The following PSMB9 variants were observed in gnomAD, a reference collection of about 807,000 sequenced individuals.
PSMB9 encodes the protein proteasome 20S subunit beta 9.
PSMB9 carries 16 observed loss-of-function variants against 26.9 expected under a neutral mutation model. The observed-to-expected ratio is 0.59, with a 90% confidence interval of 0.40 to 0.90. The LOEUF (loss-of-function observed/expected upper bound fraction) is 0.90. Among genes scored for constraint, PSMB9 ranks in the 40% least tolerant of loss-of-function variants. The pLI is 0.00. For synonymous variants in PSMB9, 91 were observed against 112.0 expected (o/e 0.81, Z 1.18); for missense variants, 253 against 292.2 (o/e 0.87, Z 0.98).
intron 5 of PSMB9, chr6:32,859,001 G>A: frequency 4.6e-6 from 1 of 219,732 alleles, no homozygotes; most frequent in Non-Finnish European, 9.1e-6. Context: ...GTAGTGAGCG[G>A]TGATTGCACC....
chr6:32,856,432 A>T, intron 2 of PSMB9: 1 of 512,648 alleles, frequency 2.0e-6, no homozygotes, highest in Non-Finnish European at 3.5e-6. Context: ...AGTAGTGTAC[A>T]GGGATGAGTA....
At position 32,858,598 on chromosome 6, in the gene PSMB9, C is replaced by T. The variant is rs1375255808; in HGVS notation, c.532+93C>T. On this transcript the variant is annotated intron_variant, in intron 5 of 5. Transcript: ENST00000374859. The surrounding 1 kb of genome is among the most constrained non-coding windows in gnomAD (Gnocchi z 5.2). ...AACAGGAAGAGAAATACAGGGGTGG[C>T]CATTTAAGTTAATGCCGGGCCTGGT... is the stretch of plus-strand genomic sequence containing the variant. The T allele has an allele frequency of 1.9e-6, 3 of 1,551,506 alleles. No homozygotes were observed. The African/African-American group carries it at 4.1e-5, about 21-fold the overall frequency.
chr6:32,859,425 C>T lies in PSMB9; in HGVS notation c.553C>T (p.Arg185Trp), dbSNP rs1047210770. 5.0e-6 allele frequency: 8 copies of T among 1,612,214 alleles called. No homozygotes were observed. The highest frequency in any genetic ancestry group is 2.2e-5 in the East Asian group (1 of 44,810). The change falls in exon 6 of 6, where the codon CGG becomes TGG. Residue 185 changes from arginine to tryptophan, a missense_variant. Physicochemically the swap from Arg to Trp is moderately radical, Grantham distance 101. Coordinates refer to ENST00000374859, the MANE Select transcript of PSMB9 (RefSeq NM_002800.5). ...TGCAGCTATTGCTCTGGCCATGAGC[C>T]GGGATGGCTCAAGCGGGGGTGTCAT... ...TTDAIALAMS[R>W]DGSSGGVIYL...
Position 32,859,699 on chromosome 6 carries a change from C to T in PSMB9, c.*167C>T, listed in dbSNP as rs1327213972. The T allele has an allele frequency of 8.8e-6, 7 of 798,214 alleles. No homozygotes were observed. The highest frequency in any genetic ancestry group is 1.3e-5 in the Non-Finnish European group (7 of 521,752). 49.4% of individuals were successfully genotyped at this position (798,214 alleles called of 1,614,324 possible). A position where few individuals can be genotyped will look rare whatever the true frequency, so the allele number is the denominator to read the frequency against. Reference sequence around the variant, plus strand: ...TTCTTCTTTTGTCCCAGGTCTAAAACATCTTTCCTAGAGAAAACAAAAGGG... The same window carrying T: ...TTCTTCTTTTGTCCCAGGTCTAAAATATCTTTCCTAGAGAAAACAAAAGGG... On this transcript the variant is annotated 3_prime_UTR_variant, in exon 6 of 6. Transcript: ENST00000374859.
Position 32,858,399 on chromosome 6 carries a change from G to C in PSMB9, c.426G>C (p.Gln142His), listed in dbSNP as rs771788650. The change falls in exon 5 of 6, where the codon CAG becomes CAC. Residue 142 changes from glutamine (Q) to histidine (H), a missense_variant. By Grantham distance (24) the Gln-to-His change is conservative (BLOSUM62 0). Transcript: ENST00000374859. The surrounding 1 kb of genome is among the most constrained non-coding windows in gnomAD (Gnocchi z 5.2). ...YGTLGGMLTR[Q>H]PFAIGGSGST... ...CCCTGGGAGGAATGCTGACTCGACAGCCTTTTGCCATTGGTGGCTCCGGCA... is the reference window on the plus strand; with the variant it reads ...CCCTGGGAGGAATGCTGACTCGACACCCTTTTGCCATTGGTGGCTCCGGCA... The C allele has an allele frequency of 6.2e-7, 1 of 1,612,994 alleles. No homozygotes were observed. Among genetic ancestry groups the C allele is most frequent in the South Asian group, 1.1e-5 (1 of 91,078 alleles).
At chr6:32,857,633 A>G (rs151239869) in intron 3 of PSMB9, 192 of 529,272 alleles carry the variant, frequency 3.6e-4, no homozygotes, top group African/African-American at 3.3e-3. Flanking sequence ...TAAAAGCTGT[A>G]AATCACTATC....
Position 32,858,047 on chromosome 6 carries a change from T to C in PSMB9, c.303T>C (p.Asn101=). 1 of 1,613,116 alleles carries C rather than the reference T, an allele frequency of 6.2e-7. No individual in the cohort carries two copies. Among genetic ancestry groups the C allele is most frequent in the Admixed American group, 1.7e-5 (1 of 60,028 alleles). The change falls in exon 4 of 6, where the codon AAT becomes AAC. Residue 101 remains asparagine (N), a synonymous_variant. Coordinates refer to ENST00000374859, the MANE Select transcript of PSMB9 (RefSeq NM_002800.5). The surrounding 1 kb of genome is among the most constrained non-coding windows in gnomAD (Gnocchi z 5.2). ...EEPPLVLAAA[N]VVRNISYKYR... ...CTCCACTTGTTTTGGCTGCTGCAAA[T>C]GTGGTGAGAAATATCAGCTATAAAT...
Position 32,858,512 on chromosome 6 carries a change from A to C in PSMB9, c.532+7A>C. On this transcript the variant is annotated splice_region_variant and intron_variant, in intron 5 of 5. Transcript: ENST00000374859. This position sits in a 1 kb window ranked among gnomAD's most constrained non-coding sequence, Gnocchi z 5.2. ...AGGCGCTTCACCACAGACGGTAACC[A>C]GCCAAGTGGAAGGGTACCTGGGGAG... 6.2e-7 allele frequency: 1 copy of C among 1,613,004 alleles called. No individual in the cohort carries two copies. The highest frequency in any genetic ancestry group is 8.5e-7 in the Non-Finnish European group (1 of 1,180,024).
rs762179439 is a variant in PSMB9, at chr6:32,856,180, G to C, written c.103G>C (p.Gly35Arg). Residue 35 changes from glycine to arginine, a missense_variant, in exon 2 of 6, where the codon GGT becomes CGT. By Grantham distance (125) the Gly-to-Arg change is moderately radical. Transcript: ENST00000374859. Reference sequence around the variant, plus strand: ...GGAGTTTGACGGGGGCGTTGTGATGGGTTCTGATTCCCGAGTGTCTGCAGG... The same window carrying C: ...GGAGTTTGACGGGGGCGTTGTGATGCGTTCTGATTCCCGAGTGTCTGCAGG... Reference protein sequence around the residue: ...AVEFDGGVVMGSDSRVSAGEA... With the variant: ...AVEFDGGVVMRSDSRVSAGEA... 6.2e-7 allele frequency: 1 copy of C among 1,612,984 alleles called. No homozygotes were observed. Among genetic ancestry groups the C allele is most frequent in the East Asian group, 2.2e-5 (1 of 44,882 alleles).
chr6:32,859,346 A>G (rs1488030296), intron 5 of PSMB9, 59 bp from the exon 6 acceptor site: 3 of 1,531,888 alleles, frequency 2.0e-6, no homozygotes, highest in African/African-American at 2.8e-5. Context: ...GGGAGTAAAA[A>G]GATTTTTGAA....
rs1562384758 is a variant in PSMB9, at chr6:32,858,345, C to G, written c.391-19C>G. On this transcript the variant is annotated intron_variant, in intron 4 of 5. Coordinates refer to ENST00000374859, the MANE Select transcript of PSMB9 (RefSeq NM_002800.5). The surrounding 1 kb of genome is among the most constrained non-coding windows in gnomAD (Gnocchi z 5.2). ...AGGAAGGGCTTGATGATTCTTTAAC[C>G]TGAGGATCCCTTTCCCAGGTATATG... 6.2e-7 allele frequency: 1 copy of G among 1,612,776 alleles called. No individual in the cohort carries two copies. Among genetic ancestry groups the G allele is most frequent in the Admixed American group, 1.7e-5 (1 of 60,014 alleles).
rs1420495633 is a variant in PSMB9 at position 32,854,367 on chromosome 6, A to C, written c.60+78A>C. 4 of 1,364,788 alleles carry C rather than the reference A, an allele frequency of 2.9e-6. No homozygotes were observed. In the African/African-American group the frequency reaches 6.1e-5, roughly 21 times the overall value. The allele number at this position is 1,364,788 out of a possible 1,614,324, so 84.5% of individuals were successfully genotyped here. A position where few individuals can be genotyped will look rare whatever the true frequency, so the allele number is the denominator to read the frequency against. ...CAGGGGACCCTGGAAGCGCGCGCGG[A>C]GAAGTGAATGCAGAGACCAACGGGA... On this transcript the variant is annotated intron_variant, in intron 1 of 5. Transcript: ENST00000374859. The surrounding 1 kb of genome is among the most constrained non-coding windows in gnomAD (Gnocchi z 4.6).
Position 32,858,798 on chromosome 6 carries a change from G to T in PSMB9, c.532+293G>T. The stretch of plus-strand genomic sequence containing the variant: ...ACCTGTAATGCCAACAATTTGGGAG[G>T]CTGAGGCAGGAGGATTACTTGAGCC... On this transcript the variant is annotated intron_variant, in intron 5 of 5. Transcript: ENST00000374859. The surrounding 1 kb of genome is among the most constrained non-coding windows in gnomAD (Gnocchi z 5.2). 2.0e-6 allele frequency: 1 copy of T among 488,212 alleles called. No homozygotes were observed. Among genetic ancestry groups the T allele is most frequent in the South Asian group, 2.3e-5 (1 of 44,128 alleles). 30.2% of individuals were successfully genotyped at this position (488,212 alleles called of 1,614,324 possible). A position where few individuals can be genotyped will look rare whatever the true frequency, so the allele number is the denominator to read the frequency against.
chr6:32,856,212 A>C lies in PSMB9; in HGVS notation c.128+7A>C. On this transcript the variant is annotated splice_region_variant and intron_variant, in intron 2 of 5. Coordinates refer to ENST00000374859, the MANE Select transcript of PSMB9 (RefSeq NM_002800.5). ...ATTCCCGAGTGTCTGCAGGGTGAGTAAAAGTGAAGATGTATGCATTTGGAA... is the reference window on the plus strand; with the variant it reads ...ATTCCCGAGTGTCTGCAGGGTGAGTCAAAGTGAAGATGTATGCATTTGGAA... 2 of 1,610,708 alleles carry C rather than the reference A, an allele frequency of 1.2e-6. No homozygotes were observed. The highest frequency in any genetic ancestry group is 1.7e-6 in the Non-Finnish European group (2 of 1,177,926).
Position 32,856,130 on chromosome 6 carries a change from C to T in PSMB9, c.61-8C>T. ...TGCCCTGACATTCCATATTCTGTGT[C>T]TCTGCAGACCACCATCATGGCAGTG... On this transcript the variant is annotated splice_polypyrimidine_tract_variant and splice_region_variant and intron_variant, in intron 1 of 5. Coordinates refer to ENST00000374859, the MANE Select transcript of PSMB9 (RefSeq NM_002800.5). 3 of 1,612,132 alleles carry T rather than the reference C, an allele frequency of 1.9e-6. No individual in the cohort carries two copies. The highest frequency in any genetic ancestry group is 2.5e-6 in the Non-Finnish European group (3 of 1,179,200).
In PSMB9 at chr6:32,858,412, G is replaced by A. The variant is rs773006164; in HGVS notation, c.439G>A (p.Gly147Ser). 6.2e-7 allele frequency: 1 copy of A among 1,612,992 alleles called. No homozygotes were observed. Among genetic ancestry groups the A allele is most frequent in the East Asian group, 2.2e-5 (1 of 44,888 alleles). The change falls in exon 5 of 6, where the codon GGT becomes AGT. Residue 147 changes from glycine to serine, a missense_variant. By Grantham distance (56) the Gly-to-Ser change is moderately conservative (BLOSUM62 0). Coordinates refer to ENST00000374859, the MANE Select transcript of PSMB9 (RefSeq NM_002800.5). The surrounding 1 kb of genome is among the most constrained non-coding windows in gnomAD (Gnocchi z 5.2). ...GCTGACTCGACAGCCTTTTGCCATT[G>A]GTGGCTCCGGCAGCACCTTTATCTA... is the stretch of plus-strand genomic sequence containing the variant. ...GMLTRQPFAI[G>S]GSGSTFIYGY...
chr6:32,857,911 A>C (rs1771241429), intron 3 of PSMB9, 94 bp from the exon 4 acceptor site: 2 of 1,475,266 alleles, frequency 1.4e-6, no homozygotes, highest in Non-Finnish European at 1.9e-6. Flanking sequence ...TTGCAGTTAC[A>C]GTTTTCAGGG....
intron 2 of PSMB9, 53 bp from the exon 3 acceptor site, chr6:32,857,210 A>AG: frequency 1.3e-6 from 2 of 1,512,718 alleles, no homozygotes; most frequent in Non-Finnish European, 1.8e-6. Context: ...AAAAAAAAAA[A>AG]AAAAAAAAAA....
intron 1 of PSMB9, among the ~76,000 whole-genome samples, chr6:32,855,379 A>T (rs1482105851): frequency 6.6e-6 from 1 of 152,160 alleles, no homozygotes. Flanking sequence ...TAGTAGAATA[A>T]ATGTAGCTTT....
Sources: allele counts gnomAD v4.1 joint callset (sites outside exome capture counted in the v4.1 genomes callset), GRCh38; gene constraint gnomAD v4.1.1; non-coding constraint Gnocchi (gnomAD v3.1); transcripts MANE v1.5; gene names NCBI Gene and HGNC (gene_info 2026-07-23, HGNC 2026-07-21).